The following CEP63 variants were observed in gnomAD, a reference collection of about 807,000 sequenced individuals.
The protein encoded by CEP63 is centrosomal protein of 63 kDa.
In CEP63, 84 loss-of-function variants were observed where a neutral mutation model predicts 89.1. The ratio of observed to expected loss-of-function variants is 0.94; its 90% confidence interval spans 0.79 to 1.13. The LOEUF (loss-of-function observed/expected upper bound fraction) is 1.13. CEP63 is among the 50% of genes most tolerant of loss of function. The pLI is 0.00. For synonymous variants in CEP63, 267 were observed against 272.5 expected, an observed-to-expected ratio of 0.98 and a Z score of 0.20; for missense variants, 838 against 813.3, an observed-to-expected ratio of 1.03 and a Z score of -0.37.
At chr3:134,648,510 G>A in the CEP63 span, among the ~76,000 whole-genome samples, 1 of 152,204 alleles carries the variant, frequency 6.6e-6, no homozygotes, top group Non-Finnish European at 1.5e-5. Context: ...CTCTACTGCT[G>A]CAGGAGTATA....
In CEP63 at chr3:134,559,203, C is replaced by T; in HGVS notation, c.1727C>T (p.Thr576Ile). 6.2e-7 allele frequency: 1 copy of T among 1,614,164 alleles called. No individual in the cohort carries two copies. The highest frequency in any genetic ancestry group is 8.5e-7 in the Non-Finnish European group (1 of 1,179,998). Residue 576 changes from threonine to isoleucine, a missense_variant, in exon 14 of 15, where the codon ACA becomes ATA. Physicochemically the swap from Thr to Ile is moderately conservative, Grantham distance 89. Coordinates refer to ENST00000675561, the MANE Select transcript of CEP63 (RefSeq NM_001353108.3). ...HDGIKTEHYK[T>I]DLHSPRGQAS... ...GGAATAAAGACTGAGCACTACAAAA[C>T]AGATCTTCATTCTCCAAGAGGACAA... is the stretch of plus-strand genomic sequence containing the variant.
chr3:134,561,742 T>C lies in CEP63; in HGVS notation c.*207T>C. On this transcript the variant is annotated 3_prime_UTR_variant, in exon 15 of 15. Coordinates refer to ENST00000675561, the MANE Select transcript of CEP63 (RefSeq NM_001353108.3). ...TTAAAGGACTTCTTCCAGCAATAAGTTGAAAGAATAAACCACTTTGCTAGA... is the reference window on the plus strand; with the variant it reads ...TTAAAGGACTTCTTCCAGCAATAAGCTGAAAGAATAAACCACTTTGCTAGA... 1 of 1,390,042 alleles carries C rather than the reference T, an allele frequency of 7.2e-7. No homozygotes were observed. The highest frequency in any genetic ancestry group is 1.6e-5 in the South Asian group (1 of 63,050). The allele number at this position is 1,390,042 out of a possible 1,614,324, so 86.1% of individuals were successfully genotyped here.
intron 3 of CEP63, among the ~76,000 whole-genome samples, chr3:134,508,864 GTTGA>G (rs981958436): frequency 6.6e-6 from 1 of 151,920 alleles, no homozygotes; most frequent in African/African-American, 2.4e-5. Context: ...GCTGCTGAAA[GTTGA>G]TTAAGTTTCT....
chr3:134,782,416 T>C, the CEP63 span, among the ~76,000 whole-genome samples: 1 of 152,322 alleles, frequency 6.6e-6, no homozygotes, highest in Non-Finnish European at 1.5e-5. Context: ...GTTTGATATA[T>C]TGTATTTTGT....
the CEP63 span, among the ~76,000 whole-genome samples, chr3:134,687,304 C>T: frequency 6.6e-6 from 1 of 152,242 alleles, no homozygotes; most frequent in East Asian, 1.9e-4. Context: ...CTACTACCCC[C>T]TCTCACAACT....
the CEP63 span, among the ~76,000 whole-genome samples, chr3:134,767,745 T>C: frequency 6.6e-6 from 1 of 152,218 alleles, no homozygotes; most frequent in East Asian, 1.9e-4. Flanking sequence ...CCGAGGGCTT[T>C]GTTTTTTGAA....
the CEP63 span, among the ~76,000 whole-genome samples, chr3:134,774,853 A>G: frequency 6.6e-6 from 1 of 152,074 alleles, no homozygotes; most frequent in Admixed American, 6.5e-5. Flanking sequence ...CTGACTTCCA[A>G]CTGCCAGCTT....
intron 2 of CEP63, among the ~76,000 whole-genome samples, chr3:134,501,437 C>G (rs1941961043): frequency 6.6e-6 from 1 of 152,148 alleles, no homozygotes; most frequent in South Asian, 2.1e-4. Context: ...GCCGTTTTAA[C>G]TGTATAAATT....
downstream of CEP63, among the ~76,000 whole-genome samples, chr3:134,566,702 T>A (rs1463694769): frequency 1.3e-5 from 2 of 152,028 alleles, no homozygotes; most frequent in Non-Finnish European, 2.9e-5. Flanking sequence ...TCATTAGTCA[T>A]CAGAGAAATG....
the CEP63 span, among the ~76,000 whole-genome samples, chr3:134,640,537 G>A: frequency 6.6e-6 from 1 of 152,140 alleles, no homozygotes; most frequent in African/African-American, 2.4e-5. Flanking sequence ...CTGTGATAGA[G>A]CTTCCAAGAA....
intron 13 of CEP63, among the ~76,000 whole-genome samples, chr3:134,558,783 A>C (rs1956767126): frequency 6.6e-6 from 1 of 152,120 alleles, no homozygotes; most frequent in African/African-American, 2.4e-5. Flanking sequence ...ATGTTTTCCT[A>C]CCCAAAGCCT....
the CEP63 span, among the ~76,000 whole-genome samples, chr3:134,713,125 A>G: frequency 6.6e-6 from 1 of 152,360 alleles, no homozygotes; most frequent in South Asian, 2.1e-4. Flanking sequence ...TTTGGGCAGC[A>G]TACTAGGACA....
At chr3:134,750,941 G>C in the CEP63 span, among the ~76,000 whole-genome samples, 1 of 152,166 alleles carries the variant, frequency 6.6e-6, no homozygotes, top group African/African-American at 2.4e-5. Context: ...ATTCACAATG[G>C]AATTCCTATG....
At chr3:134,621,040 G>A in the CEP63 span, among the ~76,000 whole-genome samples, 1 of 152,300 alleles carries the variant, frequency 6.6e-6, no homozygotes, top group South Asian at 2.1e-4. Flanking sequence ...GACAGGGCAG[G>A]TGGTGCTGAC....
At chr3:134,665,702 C>CACACAGAG in the CEP63 span, among the ~76,000 whole-genome samples, 9 of 102,320 alleles carry the variant, frequency 8.8e-5, no homozygotes, top group African/African-American at 1.6e-4. Flanking sequence ...CACACACACA[C>CACACAGAG]AGAGAGAGAG....
At chr3:134,509,726 C>T (rs1944390179) in intron 3 of CEP63, among the ~76,000 whole-genome samples, 1 of 152,144 alleles carries the variant, frequency 6.6e-6, no homozygotes. Flanking sequence ...AGGAAATACA[C>T]AGAAAATTAA....
At chr3:134,766,212 C>T in the CEP63 span, among the ~76,000 whole-genome samples, 1 of 152,132 alleles carries the variant, frequency 6.6e-6, no homozygotes, top group Admixed American at 6.5e-5. Context: ...TCTACCTCTC[C>T]CCGCAGCTTT....
At chr3:134,693,843 C>T in the CEP63 span, among the ~76,000 whole-genome samples, 1 of 152,178 alleles carries the variant, frequency 6.6e-6, no homozygotes. Context: ...CGTGCATGGA[C>T]CGATTACCGG....
downstream of CEP63, among the ~76,000 whole-genome samples, chr3:134,591,139 T>C (rs559427616): frequency 2.6e-5 from 4 of 152,316 alleles, no homozygotes; most frequent in African/African-American, 9.6e-5. Flanking sequence ...TCACCCTTGA[T>C]TGAGATTTTA....
Sources: allele counts gnomAD v4.1 joint callset (sites outside exome capture counted in the v4.1 genomes callset), GRCh38; gene constraint gnomAD v4.1.1; transcripts MANE v1.5; gene names NCBI Gene and HGNC (gene_info 2026-07-23, HGNC 2026-07-21).